Variants in OR51B5 observed in about 807,000 individuals in gnomAD.
OR51B5 encodes olfactory receptor family 51 subfamily B member 5, also known as olfactory receptor 51B5.
For missense variants in OR51B5, 456 were observed against 374.6 expected, an observed-to-expected ratio of 1.22 and a Z score of -1.79; for synonymous variants, 186 against 144.8, an observed-to-expected ratio of 1.28 and a Z score of -2.04.
intron 1 of OR51B5, among the ~76,000 whole-genome samples, chr11:5,430,295 T>G (rs1305358485): frequency 2.6e-5 from 4 of 152,158 alleles, no homozygotes; most frequent in Non-Finnish European, 5.9e-5. Context: ...TTATTTAAAT[T>G]TAAATTTCAT....
intron 1 of OR51B5, among the ~76,000 whole-genome samples, chr11:5,491,345 G>T (rs1348873286): frequency 6.6e-6 from 1 of 152,208 alleles, no homozygotes; most frequent in Non-Finnish European, 1.5e-5. Context: ...AAGACAACAG[G>T]GTAAGTGTCA....
intron 1 of OR51B5, among the ~76,000 whole-genome samples, chr11:5,450,423 AAAT>A: frequency 6.6e-6 from 1 of 152,268 alleles, no homozygotes; most frequent in African/African-American, 2.4e-5. Context: ...TAATGAATAA[AAAT>A]AAGACATAGG....
At chr11:5,360,178 A>T (rs1054233736) in intron 1 of OR51B5, among the ~76,000 whole-genome samples, 3 of 130,584 alleles carry the variant, frequency 2.3e-5, no homozygotes, top group East Asian at 2.0e-4. Context: ...TCTGCACAGC[A>T]AAAGAAACTA....
intron 1 of OR51B5, among the ~76,000 whole-genome samples, chr11:5,486,378 G>GT (rs1182007816): frequency 6.6e-6 from 1 of 150,870 alleles, no homozygotes; most frequent in Non-Finnish European, 1.5e-5. Flanking sequence ...GTTCATTGCT[G>GT]TTACCCCAGT....
intron 1 of OR51B5, among the ~76,000 whole-genome samples, chr11:5,486,624 G>A (rs1387377920): frequency 2.0e-5 from 3 of 152,078 alleles, no homozygotes; most frequent in African/African-American, 7.2e-5. Flanking sequence ...GGGCATCCCC[G>A]CCCCTGCATT....
At chr11:5,462,244 GCTCT>G (rs1202242712) in intron 1 of OR51B5, among the ~76,000 whole-genome samples, 2 of 152,180 alleles carry the variant, frequency 1.3e-5, no homozygotes, top group African/African-American at 2.4e-5. Context: ...TGAAATTCTT[GCTCT>G]CTCTGTTTCA....
At chr11:5,422,511 T>TC (rs1347578682) in intron 1 of OR51B5, 1 of 1,614,086 alleles carries the variant, frequency 6.2e-7, no homozygotes, top group African/African-American at 1.3e-5. Flanking sequence ...GCTCAGTTTT[T>TC]CTTCCTTCAT....
chr11:5,407,364 TC>T (rs1382503042), intron 1 of OR51B5, among the ~76,000 whole-genome samples: 5 of 152,194 alleles, frequency 3.3e-5, no homozygotes, highest in African/African-American at 1.2e-4. Context: ...CATCCCCTCT[TC>T]CTGAGTTTCA....
intron 1 of OR51B5, chr11:5,489,699 T>C (rs1851554618): frequency 1.5e-5 from 20 of 1,347,280 alleles, no homozygotes; most frequent in Non-Finnish European, 1.8e-5. Flanking sequence ...AAAAAAAGTG[T>C]AGGATGGCTG....
At chr11:5,483,144 T>G (rs1213822964) in intron 1 of OR51B5, among the ~76,000 whole-genome samples, 1 of 150,952 alleles carries the variant, frequency 6.6e-6, no homozygotes, top group East Asian at 2.0e-4. Context: ...TAAGAAAATG[T>G]GGCACATATA....
intron 1 of OR51B5, among the ~76,000 whole-genome samples, chr11:5,439,767 A>G (rs751429170): frequency 5.9e-5 from 9 of 152,174 alleles, no homozygotes; most frequent in African/African-American, 1.7e-4. Flanking sequence ...ATGGGCATCA[A>G]TCTAATACCT....
intron 1 of OR51B5, among the ~76,000 whole-genome samples, chr11:5,371,872 CAA>C (rs934953421): frequency 5.3e-5 from 8 of 152,220 alleles, no homozygotes; most frequent in Admixed American, 5.2e-4. Context: ...TATACAGCTG[CAA>C]GTTTATAACC....
At chr11:5,441,519 G>T (rs753901456) in intron 1 of OR51B5, 1 of 1,606,146 alleles carries the variant, frequency 6.2e-7, no homozygotes, top group South Asian at 1.1e-5. Flanking sequence ...CAGCATGGTG[G>T]GAGAATATAG....
chr11:5,450,069 T>C (rs1210096091), intron 1 of OR51B5, among the ~76,000 whole-genome samples: 2 of 152,086 alleles, frequency 1.3e-5, no homozygotes, highest in Non-Finnish European at 2.9e-5. Flanking sequence ...ATCAAAGCCA[T>C]AAAGGATCTC....
chr11:5,427,740 C>A (rs1302220103), intron 1 of OR51B5, among the ~76,000 whole-genome samples: 1 of 151,928 alleles, frequency 6.6e-6, no homozygotes, highest in Non-Finnish European at 1.5e-5. Flanking sequence ...GAAAAATAAA[C>A]CTAAAACTTC....
chr11:5,344,429 TCC>T (rs1286161307), upstream of OR51B5, among the ~76,000 whole-genome samples: 1 of 152,094 alleles, frequency 6.6e-6, no homozygotes, highest in Non-Finnish European at 1.5e-5. Context: ...TATTTAAACA[TCC>T]ATCTTCCTGG....
At chr11:5,346,035 C>T (rs1848985287), upstream of OR51B5, 1 of 152,186 alleles carries the variant, frequency 6.6e-6, no homozygotes, top group Non-Finnish European at 1.5e-5. Context: ...TCTCTGTCAA[C>T]ACTCTTACTT....
chr11:5,458,135 G>A (rs1291311598), intron 1 of OR51B5, among the ~76,000 whole-genome samples: 1 of 152,030 alleles, frequency 6.6e-6, no homozygotes, highest in East Asian at 1.9e-4. Context: ...ATTTTGAATT[G>A]ATTTTTGTGT....
chr11:5,419,616 C>T (rs1013706611), intron 1 of OR51B5, among the ~76,000 whole-genome samples: 2 of 152,102 alleles, frequency 1.3e-5, no homozygotes, highest in African/African-American at 4.8e-5. Flanking sequence ...TACATGCAAA[C>T]ACTACCATTT....
Sources: gnomAD v4.1 joint callset for allele counts (sites outside exome capture counted in the v4.1 genomes callset) on GRCh38, gnomAD v4.1.1 for gene constraint, MANE v1.5 for transcripts, NCBI Gene and HGNC (gene_info 2026-07-23, HGNC 2026-07-21) for gene names.